Variants in PRKCI observed in about 807,000 individuals in gnomAD.
The protein encoded by PRKCI is protein kinase C iota type.
In PRKCI, 43 loss-of-function variants were observed where a neutral mutation model predicts 84.0. The ratio of observed to expected loss-of-function variants is 0.51; its 90% CI spans 0.40 to 0.66. The LOEUF (loss-of-function observed/expected upper bound fraction) is 0.66, where lower values mean the gene tolerates loss of function less well. Among genes scored for constraint, PRKCI ranks in the 30% least tolerant of loss-of-function variants. The pLI is 0.00. For missense variants in PRKCI, 459 were observed against 745.6 expected, an observed-to-expected ratio of 0.62 and a Z score of 4.48; for synonymous variants, 216 against 234.4, an observed-to-expected ratio of 0.92 and a Z score of 0.72.
chr3:170,267,365 A>C (rs1461866593), intron 4 of PRKCI, among the ~76,000 whole-genome samples: 2 of 152,032 alleles, frequency 1.3e-5, no homozygotes, highest in East Asian at 3.9e-4. Context: ...AGTTGGAGGA[A>C]AATTTTTAAA....
At chr3:170,258,208 G>A (rs927507309) in intron 2 of PRKCI, among the ~76,000 whole-genome samples, 7 of 151,688 alleles carry the variant, frequency 4.6e-5, no homozygotes, top group African/African-American at 1.7e-4. Flanking sequence ...GGTTTGGATA[G>A]GGTTGGTGGC....
At chr3:170,250,930 C>G (rs1317747522) in intron 2 of PRKCI, among the ~76,000 whole-genome samples, 4 of 152,144 alleles carry the variant, frequency 2.6e-5, no homozygotes, top group African/African-American at 9.7e-5. Context: ...TGACCTCACT[C>G]TCTTTCATCT....
chr3:170,253,835 G>A (rs943476349), intron 2 of PRKCI, among the ~76,000 whole-genome samples: 4 of 151,204 alleles, frequency 2.6e-5, no homozygotes, highest in Non-Finnish European at 4.4e-5. Flanking sequence ...GGTGTCTCAC[G>A]CTTGTAATCC....
At chr3:170,277,828 T>G (rs551147911) in intron 8 of PRKCI, among the ~76,000 whole-genome samples, 1 of 152,306 alleles carries the variant, frequency 6.6e-6, no homozygotes, top group Non-Finnish European at 1.5e-5. Context: ...AGTTTAAAAT[T>G]CTGTGTGTGT....
intron 6 of PRKCI, among the ~76,000 whole-genome samples, chr3:170,272,055 G>T (rs1446132886): frequency 6.6e-6 from 1 of 152,130 alleles, no homozygotes; most frequent in African/African-American, 2.4e-5. Flanking sequence ...GGCTGGTCTT[G>T]AATTCCTGAC....
intron 16 of PRKCI, 28 bp downstream of exon 16, chr3:170,297,421 T>C: frequency 1.3e-6 from 2 of 1,546,148 alleles, no homozygotes; most frequent in East Asian, 2.3e-5. Flanking sequence ...ACTCAACTAT[T>C]AGGTTTCATT....
At position 170,265,235 on chromosome 3, in the gene PRKCI, T is replaced by C. The variant is rs1230082602; in HGVS notation, c.364+1806T>C. Among the ~76,000 whole-genome samples, 5 of 152,028 alleles carry C rather than the reference T, an allele frequency of 3.3e-5. No individual in the cohort carries two copies. In the East Asian group the frequency reaches 9.7e-4, roughly 29 times the overall value. ...ACTGCACTCCAATCTACGTGATTCA[T>C]AAACTCTTGGACTGGGGCTGAGCTA... On this transcript the variant is annotated intron_variant, in intron 4 of 17. Transcript: ENST00000295797.
At chr3:170,272,092 C>T (rs764084260) in intron 6 of PRKCI, among the ~76,000 whole-genome samples, 54 of 152,192 alleles carry the variant, frequency 3.5e-4, no homozygotes, top group Non-Finnish European at 7.1e-4. Context: ...GCCTCGGTCT[C>T]CCAAAGTGCT....
Position 170,263,389 on chromosome 3 carries a change from T to A in PRKCI, c.324T>A (p.Cys108Ter). The A allele has an allele frequency of 1.2e-6, 2 of 1,602,832 alleles. No homozygotes were observed. The highest frequency in any genetic ancestry group is 1.7e-6 in the Non-Finnish European group (2 of 1,169,826). ...DSELLIHVFP[C>*]VPERPGMPCP... is the part of the protein sequence containing the mutation. ...TTTATTTTCTTTCAGTGTTCCCTTG[T>A]GTACCAGAACGTCCTGGGATGCCTT... The change falls in exon 4 of 18, where the codon TGT (cysteine) becomes TGA (stop). Residue 108 changes from cysteine to a stop codon, truncating the protein, a stop_gained. Coordinates refer to ENST00000295797, the MANE Select transcript of PRKCI (RefSeq NM_002740.6). LOFTEE classifies it high-confidence loss of function.
chr3:170,225,595 A>T (rs1732608158), intron 1 of PRKCI, among the ~76,000 whole-genome samples: 2 of 150,446 alleles, frequency 1.3e-5, no homozygotes, highest in South Asian at 4.2e-4. Flanking sequence ...TTAAATAGAG[A>T]CAAGGTCTCA....
intron 2 of PRKCI, among the ~76,000 whole-genome samples, chr3:170,239,361 A>G (rs1733061189): frequency 2.6e-5 from 4 of 152,222 alleles, no homozygotes; most frequent in African/African-American, 9.6e-5. Flanking sequence ...TATATAATTT[A>G]GCACAGTGTG....
chr3:170,238,414 A>T (rs1331314235), intron 2 of PRKCI, among the ~76,000 whole-genome samples: 1 of 150,536 alleles, frequency 6.6e-6, no homozygotes, highest in Non-Finnish European at 1.5e-5. Flanking sequence ...CCTTTATAGT[A>T]TGCGCTGGAC....
intron 2 of PRKCI, among the ~76,000 whole-genome samples, chr3:170,252,995 A>G (rs1213445981): frequency 1.3e-5 from 2 of 152,178 alleles, no homozygotes; most frequent in African/African-American, 4.8e-5. Flanking sequence ...TATCTGGCTT[A>G]TTTCACTTGA....
chr3:170,275,187 C>CTTTTT, intron 7 of PRKCI, 42 bp from the exon 8 acceptor site: 2 of 1,310,556 alleles, frequency 1.5e-6, no homozygotes, highest in East Asian at 2.9e-5. Context: ...TCTCCTGCAC[C>CTTTTT]TTTTTTTTTT....
At chr3:170,262,513 T>C (rs1567528) in intron 3 of PRKCI, among the ~76,000 whole-genome samples, 105,361 of 152,132 alleles carry the variant, frequency 0.69, 37,709 homozygotes, top group African/African-American at 0.88. Flanking sequence ...TGGTGTCTCA[T>C]TCTGTCACCT....
intron 14 of PRKCI, among the ~76,000 whole-genome samples, chr3:170,293,794 AG>A (rs750335127): frequency 1.3e-4 from 20 of 152,136 alleles, no homozygotes; most frequent in Middle Eastern, 3.4e-3. Flanking sequence ...CTGGGATTAC[AG>A]GCACACTCCC....
At chr3:170,225,634 C>CT (rs769065024) in intron 1 of PRKCI, among the ~76,000 whole-genome samples, 1 of 151,342 alleles carries the variant, frequency 6.6e-6, no homozygotes, top group Non-Finnish European at 1.5e-5. Context: ...TCCCAAACTC[C>CT]TGGGCTCAAG....
Position 170,282,847 on chromosome 3 carries a change from C to G in PRKCI, c.1067+879C>G, listed in dbSNP as rs550007051. Among the ~76,000 whole-genome samples, 61 of 151,908 alleles carry G rather than the reference C, an allele frequency of 4.0e-4. 1 individual carries two copies. The highest frequency in any genetic ancestry group is 3.2e-3 in the Middle Eastern group (1 of 312). On this transcript the variant is annotated intron_variant, in intron 11 of 17. Transcript: ENST00000295797. ...ATAGGCCAGGCGCAGTGGCTCATGCCTGTAATCCCAGCACTTTGGGAGGCC... is the reference window on the plus strand; with the variant it reads ...ATAGGCCAGGCGCAGTGGCTCATGCGTGTAATCCCAGCACTTTGGGAGGCC...
chr3:170,254,971 C>CT (rs35938677), intron 2 of PRKCI, among the ~76,000 whole-genome samples: 160 of 116,344 alleles, frequency 1.4e-3, no homozygotes, highest in Middle Eastern at 5.1e-3. Context: ...AATATCTTTC[C>CT]TTTTTTTTTT....
Sources: allele counts gnomAD v4.1 joint callset (sites outside exome capture counted in the v4.1 genomes callset), GRCh38; gene constraint gnomAD v4.1.1; transcripts MANE v1.5; gene names NCBI Gene and HGNC (gene_info 2026-07-23, HGNC 2026-07-21).